Variants in MICU1 observed in about 807,000 individuals in gnomAD.
MICU1 encodes the protein mitochondrial calcium uptake 1.
Under a neutral mutation model 56.8 loss-of-function variants are expected in MICU1, and 45 were observed. That is an observed-to-expected ratio of 0.79 (90% CI 0.62 to 1.02). The LOEUF is 1.02. Among genes scored for constraint, MICU1 ranks in the 50% least tolerant of loss-of-function variants. The probability of loss-of-function intolerance (pLI) is 0.00; values close to 1 mark genes in which losing one functional copy is unlikely to be tolerated. For synonymous variants in MICU1, 186 were observed against 195.1 expected (o/e 0.95, Z 0.39); for missense variants, 504 against 587.1 (o/e 0.86, Z 1.46).
At chr10:72,561,323 G>A (rs1840289323) in intron 3 of MICU1, among the ~76,000 whole-genome samples, 1 of 152,214 alleles carries the variant, frequency 6.6e-6, no homozygotes, top group East Asian at 1.9e-4. Context: ...GAAATGGAAA[G>A]TGTGACTGGC....
At chr10:72,569,689 T>C (rs775051166) in intron 1 of MICU1, among the ~76,000 whole-genome samples, 9 of 152,138 alleles carry the variant, frequency 5.9e-5, no homozygotes, top group Admixed American at 2.0e-4. Context: ...CAGAGAAATG[T>C]TGAGACACCC....
intron 1 of MICU1, among the ~76,000 whole-genome samples, chr10:72,613,417 G>A (rs995182479): frequency 1.3e-5 from 2 of 151,882 alleles, no homozygotes; most frequent in Non-Finnish European, 2.9e-5. Context: ...AGGAACTACA[G>A]GGATGTGCCA....
At chr10:72,486,718 G>A (rs188545251) in intron 6 of MICU1, among the ~76,000 whole-genome samples, 69 of 152,254 alleles carry the variant, frequency 4.5e-4, no homozygotes, top group Admixed American at 2.1e-3. Flanking sequence ...TGATCTGCCC[G>A]CCTTGGCCTC....
chr10:72,480,224 ATGAGT>A (rs1042386606), intron 6 of MICU1, among the ~76,000 whole-genome samples: 5 of 152,250 alleles, frequency 3.3e-5, no homozygotes, highest in African/African-American at 1.2e-4. Context: ...GTTAGCTGTG[ATGAGT>A]TGAGAGTGAA....
At chr10:72,607,273 G>A (rs1005101270) in intron 1 of MICU1, among the ~76,000 whole-genome samples, 11 of 151,410 alleles carry the variant, frequency 7.3e-5, no homozygotes, top group African/African-American at 1.5e-4. Context: ...CCCGGTAGGC[G>A]GAGGTTGGAG....
intron 8 of MICU1, among the ~76,000 whole-genome samples, chr10:72,435,638 C>G (rs2132167893): frequency 6.6e-6 from 1 of 152,284 alleles, no homozygotes; most frequent in East Asian, 1.9e-4. Context: ...CTTTCCTAGC[C>G]AAGGGAAGCC....
At position 72,376,465 on chromosome 10, in the gene MICU1, G is replaced by A. The variant is rs116076522; in HGVS notation, c.1181-593C>T. Among the ~76,000 whole-genome samples the A allele has an allele frequency of 9.6e-3, 1,456 of 151,922 alleles. 28 individuals carry two copies. The highest frequency in any genetic ancestry group is 0.033 in the African/African-American group (1,384 of 41,410). On this transcript the variant is annotated intron_variant, in intron 10 of 11. Coordinates refer to ENST00000361114, the MANE Select transcript of MICU1 (RefSeq NM_001195518.2). ...CTTTGGGATTCCGAGGCAACATGGCGAAACCCTGTCTCTACAAAAAATACA... is the reference window on the plus strand; with the variant it reads ...CTTTGGGATTCCGAGGCAACATGGCAAAACCCTGTCTCTACAAAAAATACA...
In MICU1 at chr10:72,508,111, C is replaced by A. The variant is rs533595495; in HGVS notation, c.652+44G>T. ...CATATAAACAATTATGTTTATAGTC[C>A]TGTATCTGCTCTACAAATGGAAAAA... On this transcript the variant is annotated intron_variant, in intron 6 of 11. Coordinates refer to ENST00000361114, the MANE Select transcript of MICU1 (RefSeq NM_001195518.2). 3 of 938,820 alleles carry A rather than the reference C, an allele frequency of 3.2e-6. No homozygotes were observed. The South Asian group carries it at 7.4e-5, about 23-fold the overall frequency. 58.2% of individuals were successfully genotyped at this position (938,820 alleles called of 1,614,324 possible).
intron 8 of MICU1, among the ~76,000 whole-genome samples, chr10:72,469,919 C>T (rs1865900213): frequency 6.6e-6 from 1 of 152,108 alleles, no homozygotes; most frequent in South Asian, 2.1e-4. Context: ...ATCTCTTCTT[C>T]TTATATGGAC....
In MICU1 at chr10:72,591,098, A is replaced by G. The variant is rs562799068; in HGVS notation, c.-1-24304T>C. ...ATCAGTAACAAAAGTAAAACTGGAAAATTCATAAATTTGTGAAAATTAACA... is the reference window on the plus strand; with the variant it reads ...ATCAGTAACAAAAGTAAAACTGGAAGATTCATAAATTTGTGAAAATTAACA... On this transcript the variant is annotated intron_variant, in intron 1 of 11. Coordinates refer to ENST00000361114, the MANE Select transcript of MICU1 (RefSeq NM_001195518.2). Among the ~76,000 whole-genome samples the G allele has an allele frequency of 3.9e-5, 6 of 152,302 alleles. No homozygotes were observed. The South Asian group carries it at 1.2e-3, about 32-fold the overall frequency.
chr10:72,438,918 A>G (rs1360976588), intron 8 of MICU1, among the ~76,000 whole-genome samples: 2 of 152,324 alleles, frequency 1.3e-5, no homozygotes, highest in East Asian at 1.9e-4. Context: ...ATAGCCTACC[A>G]ACCAAAAAAA....
At chr10:72,544,903 C>T (rs998257723) in intron 4 of MICU1, among the ~76,000 whole-genome samples, 3 of 152,156 alleles carry the variant, frequency 2.0e-5, no homozygotes, top group Non-Finnish European at 4.4e-5. Flanking sequence ...TTTAAAACTG[C>T]TTAATTTTAG....
chr10:72,488,793 A>G (rs1866556342), intron 6 of MICU1, among the ~76,000 whole-genome samples: 1 of 152,344 alleles, frequency 6.6e-6, no homozygotes, highest in Admixed American at 6.5e-5. Flanking sequence ...TTGAGGCAAG[A>G]TCAAGGTAAG....
intron 8 of MICU1, among the ~76,000 whole-genome samples, chr10:72,447,425 G>A (rs1314772496): frequency 6.6e-6 from 1 of 151,926 alleles, no homozygotes; most frequent in Non-Finnish European, 1.5e-5. Flanking sequence ...TTATAGTCAT[G>A]ACAAAATTGT....
At chr10:72,519,967 C>T (rs1200112569) in intron 5 of MICU1, among the ~76,000 whole-genome samples, 1 of 151,986 alleles carries the variant, frequency 6.6e-6, no homozygotes, top group Non-Finnish European at 1.5e-5. Context: ...AAGTGTCATC[C>T]TTTATGGGGA....
chr10:72,472,854 GT>G (rs1278324175), intron 8 of MICU1, among the ~76,000 whole-genome samples: 1 of 152,118 alleles, frequency 6.6e-6, no homozygotes, highest in East Asian at 1.9e-4. Flanking sequence ...AATCCCAGCA[GT>G]TTGGGAGGCC....
At chr10:72,555,889 T>C (rs1013856010) in intron 3 of MICU1, among the ~76,000 whole-genome samples, 2 of 152,210 alleles carry the variant, frequency 1.3e-5, no homozygotes, top group Admixed American at 6.5e-5. Context: ...AGGGACATAT[T>C]TTCCCTTGGT....
At chr10:72,606,372 G>A (rs1347701471) in intron 1 of MICU1, among the ~76,000 whole-genome samples, 2 of 151,660 alleles carry the variant, frequency 1.3e-5, no homozygotes, top group Non-Finnish European at 2.9e-5. Context: ...AAATTAGCCG[G>A]GCATGGTGGT....
In MICU1 at chr10:72,423,304, T is replaced by C; in HGVS notation, c.1001A>G (p.Tyr334Cys). Residue 334 changes from tyrosine to cysteine, a missense_variant, in exon 9 of 12, where the codon TAC (tyrosine) becomes TGC (cysteine). Tyr to Cys is a radical substitution (Grantham distance 194, BLOSUM62 -2). Transcript: ENST00000361114. ...CAGCTTCTTGGACTGCACCCCACTG[T>C]AGGCAAGTAGCATGCCACCAAACTG... Reference protein sequence around the residue: ...ERQFGGMLLAYSGVQSKKLTA... With the variant: ...ERQFGGMLLACSGVQSKKLTA... The C allele has an allele frequency of 6.2e-7, 1 of 1,614,000 alleles. No individual in the cohort carries two copies. The highest frequency in any genetic ancestry group is 2.2e-5 in the East Asian group (1 of 44,880).
Sources: gnomAD v4.1 joint callset for allele counts (sites outside exome capture counted in the v4.1 genomes callset) on GRCh38, gnomAD v4.1.1 for gene constraint, MANE v1.5 for transcripts, NCBI Gene and HGNC (gene_info 2026-07-23, HGNC 2026-07-21) for gene names.